Variants in ADAMTS15 observed in about 807,000 individuals in gnomAD.
ADAMTS15 encodes the protein ADAM metallopeptidase with thrombospondin type 1 motif 15, also known as A disintegrin and metalloproteinase with thrombospondin motifs 15.
Under a neutral mutation model 79.1 loss-of-function variants are expected in ADAMTS15, and 35 were observed. The ratio of observed to expected loss-of-function variants is 0.44; its 90% CI spans 0.34 to 0.59. The LOEUF is 0.59. Among genes scored for constraint, ADAMTS15 ranks in the 20% least tolerant of loss-of-function variants. ADAMTS15 has a pLI of 0.02. For missense variants in ADAMTS15, 1,324 were observed against 1,318.7 expected (o/e 1.00, Z -0.06); for synonymous variants, 616 against 567.3 (o/e 1.09, Z -1.22).
chr11:130,449,345 C>T lies in ADAMTS15; in HGVS notation c.372C>T (p.Arg124=). Residue 124 remains arginine, a synonymous_variant, in exon 1 of 8, where the codon CGC becomes CGT. Transcript: ENST00000299164. The surrounding 1 kb of genome is among the most constrained non-coding windows in gnomAD (Gnocchi z 7.8). ...FAAVSLCGGL[R]GAFGYRGAEY... ...CTGTGAGCCTGTGCGGGGGGCTCCG[C>T]GGAGCCTTTGGCTACCGAGGCGCCG... The T allele has an allele frequency of 6.2e-7, 1 of 1,607,972 alleles. No individual in the cohort carries two copies. Among genetic ancestry groups the T allele is most frequent in the Non-Finnish European group, 8.5e-7 (1 of 1,180,002 alleles).
At chr11:130,458,477 A>G (rs749672457) in intron 1 of ADAMTS15, among the ~76,000 whole-genome samples, 13 of 152,180 alleles carry the variant, frequency 8.5e-5, no homozygotes, top group Non-Finnish European at 1.9e-4. Context: ...TCAGTAGACA[A>G]GATGTTCCTT....
chr11:130,454,449 A>G (rs954496088), intron 1 of ADAMTS15, among the ~76,000 whole-genome samples: 2 of 152,242 alleles, frequency 1.3e-5, no homozygotes, highest in African/African-American at 2.4e-5. Context: ...AGCACTTGTC[A>G]TAGGGCAGTG....
Position 130,449,685 on chromosome 11 carries a change from C to A in ADAMTS15, c.712C>A (p.Leu238Met). The change falls in exon 1 of 8, where the codon CTG becomes ATG. Residue 238 changes from leucine to methionine, a missense_variant. Physicochemically the swap from Leu to Met is conservative, Grantham distance 15. Coordinates refer to ENST00000299164, the MANE Select transcript of ADAMTS15 (RefSeq NM_139055.4). This position sits in a 1 kb window ranked among gnomAD's most constrained non-coding sequence, Gnocchi z 7.8. ...AATGGTCAAGTTCCACGGCGCGGAC[C>A]TGGAACATTATCTGCTGACGCTGCT... ...ESMVKFHGAD[L>M]EHYLLTLLAT... 6.8e-6 allele frequency: 11 copies of A among 1,606,078 alleles called. No individual in the cohort carries two copies. The highest frequency in any genetic ancestry group is 7.7e-6 in the Non-Finnish European group (9 of 1,176,374).
chr11:130,470,170 ATATATATATATGTGTG>A (rs1479496257), intron 5 of ADAMTS15, among the ~76,000 whole-genome samples: 7 of 58,170 alleles, frequency 1.2e-4, no homozygotes, highest in African/African-American at 1.9e-4. Context: ...ATATATATAT[ATATATATATATGTGTG>A]TATATATATA....
chr11:130,449,250 GGGGGCTCTTC>G lies in ADAMTS15; in HGVS notation c.278_287del (p.Gly93GlufsTer12), dbSNP rs1937900582. On this transcript the variant is annotated frameshift_variant, in exon 1 of 8. Transcript: ENST00000299164. LOFTEE classifies it high-confidence loss of function. This position sits in a 1 kb window ranked among gnomAD's most constrained non-coding sequence, Gnocchi z 7.8. ...GGGCGTCCCCCTCCAGGGGCTCACC[GGGGGCTCTTC>G]AGACCTGCGACGCTGCTTCTATTCT... The G allele has an allele frequency of 6.2e-7, 1 of 1,613,190 alleles. No individual in the cohort carries two copies.
chr11:130,469,195 C>G, intron 4 of ADAMTS15, 67 bp from the exon 5 acceptor site: 3 of 1,328,668 alleles, frequency 2.3e-6, no homozygotes, highest in Non-Finnish European at 2.9e-6. Flanking sequence ...GTGTAGTTTT[C>G]TATGGGCTGA....
chr11:130,462,018 G>T lies in ADAMTS15; in HGVS notation c.1091-69G>T. ...CTGACATGGGCTTTCTAGTTCCCCT[G>T]CCCCATTCCTCCCTCCAACCCCCAT... On this transcript the variant is annotated intron_variant, in intron 2 of 7. Transcript: ENST00000299164. This position sits in a 1 kb window ranked among gnomAD's most constrained non-coding sequence, Gnocchi z 4.3. The T allele has an allele frequency of 1.5e-6, 2 of 1,363,720 alleles. No homozygotes were observed. The highest frequency in any genetic ancestry group is 1.9e-5 in the Admixed American group (1 of 53,712). 84.5% of individuals were successfully genotyped at this position (1,363,720 alleles called of 1,614,324 possible).
chr11:130,462,814 C>T lies in ADAMTS15; in HGVS notation c.1542+34C>T, dbSNP rs762617826. 1.9e-6 allele frequency: 3 copies of T among 1,551,846 alleles called. No homozygotes were observed. Among genetic ancestry groups the T allele is most frequent in the East Asian group, 2.3e-5 (1 of 43,938 alleles). ...GTGCTGGAGCTGCGCTCGGGGACTG[C>T]TGGGAGGAGGGATGGAGACCCGGGG... is the stretch of plus-strand genomic sequence containing the variant. On this transcript the variant is annotated intron_variant, in intron 4 of 7. Transcript: ENST00000299164. This position sits in a 1 kb window ranked among gnomAD's most constrained non-coding sequence, Gnocchi z 4.3.
Position 130,473,342 on chromosome 11 carries a change from C to A in ADAMTS15, c.2374C>A (p.Pro792Thr). The change falls in exon 8 of 8, where the codon CCC (proline) becomes ACC (threonine). Residue 792 changes from proline (P) to threonine (T), a missense_variant. Pro to Thr is a conservative substitution (Grantham distance 38). Transcript: ENST00000299164. ...CCTCTCCGTGGGGAAGATGACACCG[C>A]CCCGGGTCCGCTACTCCTTCTATCT... ...EVLSVGKMTPPRVRYSFYLPK... is the reference protein window; with the variant it reads ...EVLSVGKMTPTRVRYSFYLPK... 6.2e-7 allele frequency: 1 copy of A among 1,612,944 alleles called. No individual in the cohort carries two copies. The highest frequency in any genetic ancestry group is 8.5e-7 in the Non-Finnish European group (1 of 1,180,002).
rs1433185183 is a variant in ADAMTS15, at chr11:130,472,043, A to G, written c.2078+660A>G. Among the ~76,000 whole-genome samples the G allele has an allele frequency of 1.3e-5, 2 of 152,250 alleles. No homozygotes were observed. Among genetic ancestry groups the G allele is most frequent in the African/African-American group, 4.8e-5 (2 of 41,476 alleles). ...TCCCTGGGCATCTAGTCCCAACTTC[A>G]GAATCTGGGCCTCCCAGCTTGAGCT... On this transcript the variant is annotated intron_variant, in intron 7 of 7. Coordinates refer to ENST00000299164, the MANE Select transcript of ADAMTS15 (RefSeq NM_139055.4). The surrounding 1 kb of genome is among the most constrained non-coding windows in gnomAD (Gnocchi z 4.7).
intron 4 of ADAMTS15, among the ~76,000 whole-genome samples, chr11:130,465,854 T>TTTTTC (rs925588161): frequency 5.4e-5 from 8 of 148,448 alleles, no homozygotes; most frequent in Non-Finnish European, 1.0e-4. Context: ...CTCATTTTCT[T>TTTTTC]TTTTCTTTTC....
chr11:130,466,684 G>A (rs995835442), intron 4 of ADAMTS15, among the ~76,000 whole-genome samples: 4 of 152,230 alleles, frequency 2.6e-5, no homozygotes, highest in East Asian at 1.9e-4. Context: ...GATGATTCCC[G>A]CCATGGCAGC....
intron 4 of ADAMTS15, among the ~76,000 whole-genome samples, chr11:130,464,980 A>AG (rs1938271979): frequency 6.6e-6 from 1 of 151,902 alleles, no homozygotes; most frequent in Non-Finnish European, 1.5e-5. Flanking sequence ...GAAAAAAAAA[A>AG]AAAAGAAAAA....
rs552324827 is a variant in ADAMTS15, at chr11:130,474,679, T to C, written c.*858T>C. ...TTCAGAAAGTTCTGGAGGGTTCTGC[T>C]GTCACTGGACTGGGGTTGGTGCTGA... On this transcript the variant is annotated 3_prime_UTR_variant, in exon 8 of 8. Transcript: ENST00000299164. 2.0e-5 allele frequency: 3 copies of C among 152,644 alleles called. No individual in the cohort carries two copies. The South Asian group carries it at 6.2e-4, about 32-fold the overall frequency. 9.5% of individuals were successfully genotyped at this position (152,644 alleles called of 1,614,324 possible). A position where few individuals can be genotyped will look rare whatever the true frequency, so the allele number is the denominator to read the frequency against.
rs115605938 is a variant in ADAMTS15 at position 130,459,457 on chromosome 11, C to T, written c.958-2032C>T. 3.1e-3 allele frequency among the ~76,000 whole-genome samples: 464 copies of T among 152,100 alleles called. 2 individuals carry two copies. The highest frequency in any genetic ancestry group is 0.011 in the African/African-American group (438 of 41,474). On this transcript the variant is annotated intron_variant, in intron 1 of 7. Transcript: ENST00000299164. ...CTGGGATTACAGGCATGAGCCACTG[C>T]GCCCAGGCCCCTCCCAAGTTTTGAC...
intron 1 of ADAMTS15, 149 bp downstream of exon 1, chr11:130,450,079 G>C (rs1937931839): frequency 3.4e-6 from 5 of 1,455,468 alleles, no homozygotes; most frequent in Non-Finnish European, 4.5e-6. Context: ...GGAGTTTCCA[G>C]GGAGAGCCCT....
chr11:130,455,874 G>C (rs1938068015), intron 1 of ADAMTS15, among the ~76,000 whole-genome samples: 1 of 152,174 alleles, frequency 6.6e-6, no homozygotes, highest in Admixed American at 6.5e-5. Context: ...ACTTAATCCT[G>C]CCTCTCCCTC....
At chr11:130,458,206 C>T (rs1049811271) in intron 1 of ADAMTS15, among the ~76,000 whole-genome samples, 2 of 151,928 alleles carry the variant, frequency 1.3e-5, no homozygotes, top group African/African-American at 4.8e-5. Context: ...TCTGGTCTAG[C>T]GGTTTCTTTC....
Position 130,462,732 on chromosome 11 carries a change from C to G in ADAMTS15, c.1494C>G (p.Leu498=), listed in dbSNP as rs765856607. The change falls in exon 4 of 8, where the codon CTC becomes CTG. Residue 498 remains leucine (L), a synonymous_variant. Coordinates refer to ENST00000299164, the MANE Select transcript of ADAMTS15 (RefSeq NM_139055.4). This position sits in a 1 kb window ranked among gnomAD's most constrained non-coding sequence, Gnocchi z 4.3. The part of the protein sequence containing the change: ...ADGTSCGEGK[L]CLKGACVERH... Reference sequence around the variant, plus strand: ...GCACCAGCTGTGGCGAGGGCAAGCTCTGCCTCAAAGGGGCCTGCGTGGAGA... The same window carrying G: ...GCACCAGCTGTGGCGAGGGCAAGCTGTGCCTCAAAGGGGCCTGCGTGGAGA... The G allele has an allele frequency of 6.2e-7, 1 of 1,607,220 alleles. No individual in the cohort carries two copies. Among genetic ancestry groups the G allele is most frequent in the Non-Finnish European group, 8.5e-7 (1 of 1,174,390 alleles).
Sources: allele counts gnomAD v4.1 joint callset (sites outside exome capture counted in the v4.1 genomes callset), GRCh38; gene constraint gnomAD v4.1.1; non-coding constraint Gnocchi (gnomAD v3.1); transcripts MANE v1.5; gene names NCBI Gene and HGNC (gene_info 2026-07-23, HGNC 2026-07-21).